Variants in KCTD8 observed in about 807,000 individuals in gnomAD.
KCTD8 encodes the protein potassium channel tetramerization domain containing 8.
KCTD8 carries 27 observed loss-of-function variants against 31.5 expected under a neutral mutation model. The observed-to-expected ratio is 0.86, with a 90% CI of 0.63 to 1.18. The LOEUF (loss-of-function observed/expected upper bound fraction) is 1.18, where lower values mean the gene tolerates loss of function less well. Ranked by LOEUF, KCTD8 falls within the 50% of genes most tolerant of loss-of-function variation. KCTD8 has a pLI of 0.00. For missense variants in KCTD8, 658 were observed against 647.7 expected, an observed-to-expected ratio of 1.02 and a Z score of -0.17; for synonymous variants, 290 against 280.0, an observed-to-expected ratio of 1.04 and a Z score of -0.36.
At chr4:44,303,626 G>C (rs1156876831) in intron 1 of KCTD8, among the ~76,000 whole-genome samples, 1 of 151,792 alleles carries the variant, frequency 6.6e-6, no homozygotes, top group Non-Finnish European at 1.5e-5. Flanking sequence ...GACCAGCCTG[G>C]GCAACATAGC....
chr4:44,307,253 C>T (rs1160540545), intron 1 of KCTD8, among the ~76,000 whole-genome samples: 2 of 151,918 alleles, frequency 1.3e-5, no homozygotes, highest in Non-Finnish European at 2.9e-5. Flanking sequence ...ACTGAAGAGG[C>T]CTTCCAAGTC....
chr4:44,216,470 T>C (rs963894198), intron 1 of KCTD8, among the ~76,000 whole-genome samples: 1 of 152,112 alleles, frequency 6.6e-6, no homozygotes, highest in African/African-American at 2.4e-5. Context: ...CCTAACCTGA[T>C]AAGATAGAAG....
At chr4:44,229,588 G>C (rs550284770) in intron 1 of KCTD8, among the ~76,000 whole-genome samples, 136 of 152,282 alleles carry the variant, frequency 8.9e-4, no homozygotes, top group African/African-American at 2.9e-3. Flanking sequence ...AGGTGGGTCA[G>C]CCTATATAGT....
Position 44,373,579 on chromosome 4 carries a change from T to A in KCTD8, c.961+73984A>T, listed in dbSNP as rs1333266312. ...TTAATATTTTAAAGCATTTATTATG[T>A]ATCTTGACCCATAGGAAGTATTATA... On this transcript the variant is annotated intron_variant, in intron 1 of 1. Coordinates refer to ENST00000360029, the MANE Select transcript of KCTD8 (RefSeq NM_198353.3). Among the ~76,000 whole-genome samples the A allele has an allele frequency of 3.3e-5, 5 of 152,358 alleles. No homozygotes were observed. The East Asian group carries it at 9.6e-4, about 29-fold the overall frequency.
chr4:44,400,924 A>ACTC (rs1720634798), intron 1 of KCTD8, among the ~76,000 whole-genome samples: 1 of 151,054 alleles, frequency 6.6e-6, no homozygotes, highest in African/African-American at 2.4e-5. Flanking sequence ...ACAGCCTTGA[A>ACTC]CTCCTGGGCT....
intron 1 of KCTD8, among the ~76,000 whole-genome samples, chr4:44,208,050 C>T (rs1714369262): frequency 6.6e-6 from 1 of 152,120 alleles, no homozygotes; most frequent in African/African-American, 2.4e-5. Context: ...GAAGAAATTC[C>T]AGGAGATTGT....
chr4:44,185,393 T>C (rs113954163), intron 1 of KCTD8, among the ~76,000 whole-genome samples: 5 of 152,230 alleles, frequency 3.3e-5, no homozygotes, highest in African/African-American at 1.2e-4. Context: ...TCAATGCCAT[T>C]GCTAAATATA....
chr4:44,228,414 A>C (rs987863562), intron 1 of KCTD8, among the ~76,000 whole-genome samples: 2 of 152,210 alleles, frequency 1.3e-5, no homozygotes, highest in Non-Finnish European at 2.9e-5. Flanking sequence ...ATCTCAAAAG[A>C]CAGTCATATT....
intron 1 of KCTD8, among the ~76,000 whole-genome samples, chr4:44,425,628 A>T (rs1224210237): frequency 6.6e-6 from 1 of 152,082 alleles, no homozygotes; most frequent in African/African-American, 2.4e-5. Context: ...TGAATAAAAA[A>T]TACCAGTAGT....
intron 1 of KCTD8, among the ~76,000 whole-genome samples, chr4:44,384,467 C>T (rs961493122): frequency 6.6e-6 from 1 of 151,778 alleles, no homozygotes; most frequent in African/African-American, 2.4e-5. Flanking sequence ...TAAATGAAAT[C>T]CTGTTATTTG....
chr4:44,407,389 C>CA (rs1267396382), intron 1 of KCTD8, among the ~76,000 whole-genome samples: 4 of 140,978 alleles, frequency 2.8e-5, no homozygotes, highest in African/African-American at 5.2e-5. Context: ...CTCTTTTTTT[C>CA]TTTTTTTTTT....
chr4:44,219,530 G>A lies in KCTD8; in HGVS notation c.962-44280C>T, dbSNP rs114108594. ...AATGCCATGTGAAGATAGAAGCAGAGACTGGAGTTATACACCTGAAAGTCA... is the reference window on the plus strand; with the variant it reads ...AATGCCATGTGAAGATAGAAGCAGAAACTGGAGTTATACACCTGAAAGTCA... On this transcript the variant is annotated intron_variant, in intron 1 of 1. Coordinates refer to ENST00000360029, the MANE Select transcript of KCTD8 (RefSeq NM_198353.3). Among the ~76,000 whole-genome samples, 573 of 152,282 alleles carry A rather than the reference G, an allele frequency of 3.8e-3. 4 individuals carry two copies. Among genetic ancestry groups the A allele is most frequent in the Non-Finnish European group, 6.2e-3 (423 of 68,022 alleles).
At chr4:44,292,612 T>C (rs527554680) in intron 1 of KCTD8, among the ~76,000 whole-genome samples, 188 of 152,222 alleles carry the variant, frequency 1.2e-3, no homozygotes, top group African/African-American at 4.5e-3. Flanking sequence ...CTTTACCCTC[T>C]GAATCTAAAA....
intron 1 of KCTD8, among the ~76,000 whole-genome samples, chr4:44,419,800 C>T (rs540322911): frequency 3.6e-4 from 54 of 151,392 alleles, no homozygotes; most frequent in African/African-American, 1.2e-3. Flanking sequence ...TGTATACATA[C>T]GTAACAAACC....
At chr4:44,362,056 A>C (rs1719511720) in intron 1 of KCTD8, among the ~76,000 whole-genome samples, 1 of 152,150 alleles carries the variant, frequency 6.6e-6, no homozygotes. Context: ...GTAGCATTTC[A>C]ACAAATGATG....
At chr4:44,253,156 G>T (rs1715893687) in intron 1 of KCTD8, among the ~76,000 whole-genome samples, 1 of 151,542 alleles carries the variant, frequency 6.6e-6, no homozygotes, top group African/African-American at 2.4e-5. Flanking sequence ...AACTTCACTA[G>T]AGGTTTACCG....
chr4:44,244,566 G>A (rs1376329432), intron 1 of KCTD8, among the ~76,000 whole-genome samples: 1 of 152,050 alleles, frequency 6.6e-6, no homozygotes, highest in Non-Finnish European at 1.5e-5. Flanking sequence ...TTTCCCCAAA[G>A]TCAGACAAAA....
intron 1 of KCTD8, among the ~76,000 whole-genome samples, chr4:44,401,633 G>A (rs1165167373): frequency 1.3e-5 from 2 of 151,960 alleles, no homozygotes; most frequent in African/African-American, 2.4e-5. Flanking sequence ...TCTGAGCCTT[G>A]GTCTCCTCAT....
intron 1 of KCTD8, among the ~76,000 whole-genome samples, chr4:44,447,274 G>A (rs1277719395): frequency 6.6e-6 from 1 of 152,254 alleles, no homozygotes; most frequent in Non-Finnish European, 1.5e-5. Context: ...CTGGCATCTG[G>A]GAGCGGGCTG....
Sources: gnomAD v4.1 joint callset for allele counts (sites outside exome capture counted in the v4.1 genomes callset) on GRCh38, gnomAD v4.1.1 for gene constraint, MANE v1.5 for transcripts, NCBI Gene and HGNC (gene_info 2026-07-23, HGNC 2026-07-21) for gene names.